CDH12: variants seen among roughly 807,000 people sequenced by gnomAD.
CDH12 encodes the protein cadherin-12.
Under a neutral mutation model 74.1 loss-of-function variants are expected in CDH12, and 41 were observed. The observed-to-expected ratio is 0.55, with a 90% CI of 0.43 to 0.72. The LOEUF is 0.72. CDH12 is among the 30% of genes least tolerant of loss of function. The pLI is 0.00. For missense variants in CDH12, 945 were observed against 977.2 expected (o/e 0.97, Z 0.44); for synonymous variants, 399 against 355.0 (o/e 1.12, Z -1.39).
chr5:22,552,755 A>G (rs987588766), intron 1 of CDH12, among the ~76,000 whole-genome samples: 2 of 152,082 alleles, frequency 1.3e-5, no homozygotes, highest in Non-Finnish European at 2.9e-5. Context: ...TTAACATTTT[A>G]TACAGGTATG....
rs552091658 is a variant in CDH12, at chr5:22,343,086, C to T, written c.-333+62171G>A. ...GCCAGGCTGGTTTCCAACTCCTGAC[C>T]GCATGTGAGCTGCCCGCCTCAGCCT... is the stretch of plus-strand genomic sequence containing the variant. On this transcript the variant is annotated intron_variant, in intron 3 of 14. Coordinates refer to ENST00000382254, the MANE Select transcript of CDH12 (RefSeq NM_004061.5). 1.7e-4 allele frequency among the ~76,000 whole-genome samples: 26 copies of T among 151,916 alleles called. 1 individual carries two copies. In the South Asian group the frequency reaches 3.3e-3, roughly 19 times the overall value.
chr5:22,175,232 T>G (rs1395567343), intron 4 of CDH12, among the ~76,000 whole-genome samples: 1 of 152,002 alleles, frequency 6.6e-6, no homozygotes, highest in Non-Finnish European at 1.5e-5. Flanking sequence ...ATTATCAGTA[T>G]TTGTTACACA....
rs1744367458 is a variant in CDH12 at position 21,755,853 on chromosome 5, T to C, written c.1634-11A>G. 1 of 1,613,396 alleles carries C rather than the reference T, an allele frequency of 6.2e-7. No homozygotes were observed. The highest frequency in any genetic ancestry group is 1.3e-5 in the African/African-American group (1 of 74,928). On this transcript the variant is annotated splice_polypyrimidine_tract_variant and intron_variant, in intron 13 of 14. Coordinates refer to ENST00000382254, the MANE Select transcript of CDH12 (RefSeq NM_004061.5). ...TCCCCGCTGTGTTGTCTACAAAACA[T>C]GACATTTATGGTAACATGGTTACTA...
At chr5:22,105,746 A>C (rs573604283) in intron 4 of CDH12, among the ~76,000 whole-genome samples, 1 of 151,882 alleles carries the variant, frequency 6.6e-6, no homozygotes, top group Admixed American at 6.6e-5. Flanking sequence ...ATAAAATAAA[A>C]TAAAAACATC....
intron 7 of CDH12, among the ~76,000 whole-genome samples, chr5:21,849,404 T>C (rs886637454): frequency 6.6e-6 from 1 of 151,864 alleles, no homozygotes; most frequent in African/African-American, 2.4e-5. Context: ...AGAAAATGAT[T>C]GCCTGCAGTG....
chr5:21,988,891 A>G (rs539769202), intron 5 of CDH12, among the ~76,000 whole-genome samples: 1 of 152,140 alleles, frequency 6.6e-6, no homozygotes, highest in Non-Finnish European at 1.5e-5. Context: ...TATGGGGTGA[A>G]TAGAAGGAAC....
At chr5:22,090,011 A>G (rs967174419) in intron 4 of CDH12, among the ~76,000 whole-genome samples, 5 of 152,034 alleles carry the variant, frequency 3.3e-5, no homozygotes, top group Non-Finnish European at 7.4e-5. Flanking sequence ...AAAGAAGAGC[A>G]AACTAAACTC....
At chr5:21,780,447 G>A (rs1306370750) in intron 11 of CDH12, among the ~76,000 whole-genome samples, 1 of 152,142 alleles carries the variant, frequency 6.6e-6, no homozygotes, top group Non-Finnish European at 1.5e-5. Flanking sequence ...CCATTGGAAA[G>A]AAAGAGACCT....
At chr5:22,533,653 A>G (rs1737695312) in intron 1 of CDH12, among the ~76,000 whole-genome samples, 1 of 152,172 alleles carries the variant, frequency 6.6e-6, no homozygotes, top group Non-Finnish European at 1.5e-5. Flanking sequence ...CAATATTGAG[A>G]TGTAGGTTGG....
intron 1 of CDH12, among the ~76,000 whole-genome samples, chr5:22,506,153 C>G (rs1446379124): frequency 6.6e-6 from 1 of 152,076 alleles, no homozygotes; most frequent in Non-Finnish European, 1.5e-5. Flanking sequence ...TTTTGTTCCT[C>G]CTTTCCATAC....
intron 5 of CDH12, among the ~76,000 whole-genome samples, chr5:21,975,670 T>C (rs1314537507): frequency 3.3e-5 from 5 of 152,268 alleles, no homozygotes; most frequent in Admixed American, 3.3e-4. Context: ...CCTTATCAGA[T>C]AGATCTCATA....
At chr5:22,174,504 T>C (rs1441105125) in intron 4 of CDH12, among the ~76,000 whole-genome samples, 3 of 151,964 alleles carry the variant, frequency 2.0e-5, no homozygotes, top group African/African-American at 4.8e-5. Flanking sequence ...TTAACTAAAC[T>C]GCAAGCCTAG....
chr5:22,633,269 T>C (rs1287983676), intron 1 of CDH12, among the ~76,000 whole-genome samples: 1 of 152,056 alleles, frequency 6.6e-6, no homozygotes, highest in Admixed American at 6.6e-5. Flanking sequence ...AAGAATCAGG[T>C]GAAGGCAAAG....
chr5:22,063,179 A>G (rs554070118), intron 5 of CDH12, among the ~76,000 whole-genome samples: 38 of 152,192 alleles, frequency 2.5e-4, no homozygotes, highest in Non-Finnish European at 4.6e-4. Flanking sequence ...TGCTACTTCT[A>G]TTTTTGTCTT....
chr5:22,820,321 G>A (rs1174685408), intron 1 of CDH12, among the ~76,000 whole-genome samples: 3 of 151,944 alleles, frequency 2.0e-5, no homozygotes, highest in Non-Finnish European at 4.4e-5. Flanking sequence ...GGATCTCATC[G>A]TGAGTTCTCA....
At chr5:21,922,928 GT>G (rs2150073467) in intron 6 of CDH12, among the ~76,000 whole-genome samples, 1 of 119,532 alleles carries the variant, frequency 8.4e-6, no homozygotes, top group East Asian at 2.2e-4. Context: ...AAAGAAAGAT[GT>G]GTGTATGTGT....
chr5:21,753,086 A>G (rs1023551888), intron 14 of CDH12, among the ~76,000 whole-genome samples: 1 of 152,176 alleles, frequency 6.6e-6, no homozygotes, highest in African/African-American at 2.4e-5. Flanking sequence ...GCACAGATAC[A>G]AATGACGACG....
At chr5:21,929,057 T>C (rs797007632) in intron 6 of CDH12, among the ~76,000 whole-genome samples, 27 of 151,976 alleles carry the variant, frequency 1.8e-4, no homozygotes, top group African/African-American at 6.0e-4. Flanking sequence ...AGATTTATGG[T>C]AATGAGAATA....
intron 1 of CDH12, among the ~76,000 whole-genome samples, chr5:22,604,999 T>C (rs948878453): frequency 6.6e-6 from 1 of 152,172 alleles, no homozygotes; most frequent in African/African-American, 2.4e-5. Context: ...CCACAGGTGA[T>C]GGTTAATTTT....
Sources: gnomAD v4.1 joint callset for allele counts (sites outside exome capture counted in the v4.1 genomes callset) on GRCh38, gnomAD v4.1.1 for gene constraint, MANE v1.5 for transcripts, NCBI Gene and HGNC (gene_info 2026-07-23, HGNC 2026-07-21) for gene names.